BCAP29: variants seen among roughly 807,000 people sequenced by gnomAD.
BCAP29 encodes B cell receptor associated protein 29.
A neutral mutation model predicts 31.8 loss-of-function variants in BCAP29; 34 were observed. That is an observed-to-expected ratio of 1.07 (90% confidence interval 0.81 to 1.42). BCAP29 has a LOEUF of 1.42. BCAP29 is among the 40% of genes most tolerant of loss of function. The probability of loss-of-function intolerance (pLI) is 0.00; values close to 1 mark genes in which losing one functional copy is unlikely to be tolerated. For missense variants in BCAP29, 314 were observed against 269.2 expected, an observed-to-expected ratio of 1.17 and a Z score of -1.16; for synonymous variants, 104 against 91.3, an observed-to-expected ratio of 1.14 and a Z score of -0.79.
In BCAP29 at chr7:107,590,186, C is replaced by T. The variant is rs544809335; in HGVS notation, c.194-3769C>T. ...TTTATTTTTAAAAAAGATTTAAAAT[C>T]GGTGATTTTAGTTTCCACCTTAATA... On this transcript the variant is annotated intron_variant, in intron 3 of 7. Transcript: ENST00000005259. 1.9e-3 allele frequency among the ~76,000 whole-genome samples: 285 copies of T among 152,062 alleles called. 2 individuals are homozygous for T. The highest frequency in any genetic ancestry group is 6.7e-3 in the African/African-American group (277 of 41,472).
At chr7:107,612,615 G>T (rs186085992) in intron 6 of BCAP29, among the ~76,000 whole-genome samples, 19 of 151,628 alleles carry the variant, frequency 1.3e-4, no homozygotes, top group Middle Eastern at 3.4e-3. Context: ...GGTTAAAATT[G>T]TAAGTATAAA....
At chr7:107,610,197 T>C (rs1812875088) in intron 6 of BCAP29, among the ~76,000 whole-genome samples, 1 of 152,222 alleles carries the variant, frequency 6.6e-6, no homozygotes, top group Non-Finnish European at 1.5e-5. Flanking sequence ...TTTAAAAATA[T>C]CTAATGGACC....
At chr7:107,613,595 A>T in intron 7 of BCAP29, 163 bp downstream of exon 7, 1 of 1,484,458 alleles carries the variant, frequency 6.7e-7, no homozygotes, top group Non-Finnish European at 9.4e-7. Flanking sequence ...GGTAAAGATT[A>T]GGACATTGCA....
chr7:107,585,214 G>A (rs753445347), intron 3 of BCAP29, among the ~76,000 whole-genome samples: 8 of 152,120 alleles, frequency 5.3e-5, no homozygotes, highest in African/African-American at 1.7e-4. Context: ...GACCCTAACC[G>A]CCATCTTTGA....
chr7:107,622,037 T>C (rs1418833922), downstream of BCAP29: 1 of 440,642 alleles, frequency 2.3e-6, no homozygotes, highest in African/African-American at 2.0e-5. Flanking sequence ...AAGATAGCCT[T>C]AGCCATCTCC....
chr7:107,613,447 C>T lies in BCAP29; in HGVS notation c.690+15C>T, dbSNP rs1585232943. On this transcript the variant is annotated intron_variant, in intron 7 of 7. Coordinates refer to ENST00000005259, the MANE Select transcript of BCAP29 (RefSeq NM_018844.4). ...CTGAACTTCAGGTGGGTGTGACATG[C>T]ACTTTATGCACCTAAATGTTTTGAA... 2.6e-6 allele frequency: 4 copies of T among 1,541,996 alleles called. No individual in the cohort carries two copies.
At chr7:107,606,598 T>A (rs1812143920) in intron 6 of BCAP29, among the ~76,000 whole-genome samples, 1 of 152,206 alleles carries the variant, frequency 6.6e-6, no homozygotes, top group Non-Finnish European at 1.5e-5. Flanking sequence ...AAGTGTGCTA[T>A]GTGAAATGGG....
chr7:107,607,165 A>T (rs1288663395), intron 6 of BCAP29, among the ~76,000 whole-genome samples: 1 of 152,100 alleles, frequency 6.6e-6, no homozygotes, highest in Non-Finnish European at 1.5e-5. Context: ...AAAATATAAA[A>T]ATTAACCGGA....
chr7:107,620,558 A>G (rs564627256), downstream of BCAP29: 21 of 152,330 alleles, frequency 1.4e-4, no homozygotes, highest in African/African-American at 4.8e-4. Flanking sequence ...TATAAATTCA[A>G]ACACAGGAAT....
At chr7:107,607,436 T>TAGACCTCTTTATCTCA (rs1812305469) in intron 6 of BCAP29, among the ~76,000 whole-genome samples, 1 of 152,138 alleles carries the variant, frequency 6.6e-6, no homozygotes, top group Non-Finnish European at 1.5e-5. Flanking sequence ...GACGAGGACT[T>TAGACCTCTTTATCTCA]AGACCTCTTT....
At chr7:107,597,743 T>C (rs1343389207) in intron 5 of BCAP29, among the ~76,000 whole-genome samples, 1 of 152,188 alleles carries the variant, frequency 6.6e-6, no homozygotes, top group Admixed American at 6.5e-5. Context: ...GAATCCACAT[T>C]CATAACCACA....
rs750227463 is a variant in BCAP29, at chr7:107,618,404, T to C, written c.*41T>C. 3 of 1,612,346 alleles carry C rather than the reference T, an allele frequency of 1.9e-6. No individual in the cohort carries two copies. Among genetic ancestry groups the C allele is most frequent in the Admixed American group, 3.3e-5 (2 of 59,990 alleles). ...CTTGCAATATACTGTGTCAAAATGATAATTTTGTTATGTTAGCCTCTAGAA... is the reference window on the plus strand; with the variant it reads ...CTTGCAATATACTGTGTCAAAATGACAATTTTGTTATGTTAGCCTCTAGAA... On this transcript the variant is annotated 3_prime_UTR_variant, in exon 8 of 8. Transcript: ENST00000005259.
Position 107,594,014 on chromosome 7 carries a change from A to G in BCAP29, c.253A>G (p.Ser85Gly), listed in dbSNP as rs761224837. 2.5e-6 allele frequency: 4 copies of G among 1,613,852 alleles called. No individual in the cohort carries two copies. The highest frequency in any genetic ancestry group is 1.7e-5 in the Admixed American group (1 of 60,020). Reference sequence around the variant, plus strand: ...TCATACCATTGAGAAGAGCTCCACCAGCAGACCTGATGCCTATGAACACAC... The same window carrying G: ...TCATACCATTGAGAAGAGCTCCACCGGCAGACCTGATGCCTATGAACACAC... ...SVHTIEKSST[S>G]RPDAYEHTQM... The change falls in exon 4 of 8, where the codon AGC (serine) becomes GGC (glycine). Residue 85 changes from serine (S) to glycine (G), a missense_variant. Physicochemically the swap from Ser to Gly is moderately conservative, Grantham distance 56 (BLOSUM62 0). Transcript: ENST00000005259.
Position 107,608,603 on chromosome 7 carries a change from G to A in BCAP29, c.590-4729G>A, listed in dbSNP as rs150570124. On this transcript the variant is annotated intron_variant, in intron 6 of 7. Coordinates refer to ENST00000005259, the MANE Select transcript of BCAP29 (RefSeq NM_018844.4). ...TTTAGGGATTTTTTTTAATTGGGCT[G>A]GATTCTTTGGTACTATTTATTTATA... is the stretch of plus-strand genomic sequence containing the variant. Among the ~76,000 whole-genome samples the A allele has an allele frequency of 9.0e-4, 136 of 151,950 alleles. 1 individual carries two copies. The highest frequency in any genetic ancestry group is 3.1e-3 in the African/African-American group (130 of 41,418).
chr7:107,594,763 A>G (rs1165259085), intron 4 of BCAP29, among the ~76,000 whole-genome samples: 1 of 152,146 alleles, frequency 6.6e-6, no homozygotes, highest in Admixed American at 6.5e-5. Flanking sequence ...CGGCCTCCCA[A>G]AGTGCTGGGA....
At chr7:107,592,358 A>G (rs1417010490) in intron 3 of BCAP29, among the ~76,000 whole-genome samples, 2 of 152,252 alleles carry the variant, frequency 1.3e-5, no homozygotes, top group Non-Finnish European at 2.9e-5. Flanking sequence ...ATTAGCTATC[A>G]GAGAAATGCA....
intron 5 of BCAP29, among the ~76,000 whole-genome samples, chr7:107,599,521 TAAAAAAAAA>T (rs397943714): frequency 1.5e-5 from 2 of 131,730 alleles, no homozygotes; most frequent in Non-Finnish European, 3.3e-5. Flanking sequence ...CCCTGTTTCT[TAAAAAAAAA>T]AAAAGAAAAA....
intron 3 of BCAP29, among the ~76,000 whole-genome samples, chr7:107,587,002 A>G (rs564965343): frequency 6.6e-6 from 1 of 152,268 alleles, no homozygotes; most frequent in South Asian, 2.1e-4. Flanking sequence ...AAGTGCTGGG[A>G]TTACAGGCAT....
chr7:107,602,964 C>CTTT (rs34887499), intron 6 of BCAP29, among the ~76,000 whole-genome samples: 80 of 68,294 alleles, frequency 1.2e-3, no homozygotes, highest in East Asian at 2.4e-3. Flanking sequence ...TTCTTTTATT[C>CTTT]TTTTTTTTTT....
Sources: gnomAD v4.1 joint callset for allele counts (sites outside exome capture counted in the v4.1 genomes callset) on GRCh38, gnomAD v4.1.1 for gene constraint, MANE v1.5 for transcripts, NCBI Gene and HGNC (gene_info 2026-07-23, HGNC 2026-07-21) for gene names.